Variants in XKR4 observed in about 807,000 individuals in gnomAD.
The protein encoded by XKR4 is XK-related protein 4.
XKR4 carries 12 observed loss-of-function variants against 53.9 expected under a neutral mutation model. The observed-to-expected ratio is 0.22, with a 90% confidence interval of 0.14 to 0.36. The LOEUF (loss-of-function observed/expected upper bound fraction) is 0.36. Ranked by LOEUF, XKR4 falls within the 10% of genes least tolerant of loss-of-function variation. XKR4 has a pLI of 1.00. For synonymous variants in XKR4, 354 were observed against 362.4 expected, an observed-to-expected ratio of 0.98 and a Z score of 0.26; for missense variants, 799 against 859.5, an observed-to-expected ratio of 0.93 and a Z score of 0.88.
rs550454277 is a variant in XKR4, at chr8:55,253,203, C to T, written c.807-104475C>T. On this transcript the variant is annotated intron_variant, in intron 1 of 2. Transcript: ENST00000327381. ...ACTATGCTATGCCTTTTCCTTCCGA[C>T]GTAAATATTCTCTTCCTTCCTCAGC... Among the ~76,000 whole-genome samples the T allele has an allele frequency of 3.8e-4, 57 of 151,910 alleles. No homozygotes were observed. The South Asian group carries it at 4.8e-3, about 13-fold the overall frequency.
intron 1 of XKR4, among the ~76,000 whole-genome samples, chr8:55,103,737 T>A (rs927520059): frequency 4.0e-5 from 6 of 151,458 alleles, no homozygotes; most frequent in East Asian, 1.9e-4. Context: ...GGAAAAAAAA[T>A]TGCTAATTCT....
chr8:55,391,411 G>T (rs1436828810), intron 2 of XKR4, among the ~76,000 whole-genome samples: 3 of 152,180 alleles, frequency 2.0e-5, no homozygotes, highest in Non-Finnish European at 4.4e-5. Flanking sequence ...CTACACAGTG[G>T]AGCATAATGT....
At chr8:55,229,005 A>G (rs1205660153) in intron 1 of XKR4, among the ~76,000 whole-genome samples, 1 of 152,048 alleles carries the variant, frequency 6.6e-6, no homozygotes, top group Non-Finnish European at 1.5e-5. Flanking sequence ...TTGAAAAACA[A>G]ACAAACAAAA....
intron 2 of XKR4, among the ~76,000 whole-genome samples, chr8:55,474,028 T>C (rs1260216808): frequency 6.6e-6 from 1 of 152,018 alleles, no homozygotes; most frequent in African/African-American, 2.4e-5. Flanking sequence ...CCTCAGGCTC[T>C]CCAGTAGCTA....
chr8:55,460,656 C>G (rs995146320), intron 2 of XKR4, among the ~76,000 whole-genome samples: 1 of 152,078 alleles, frequency 6.6e-6, no homozygotes, highest in Admixed American at 6.5e-5. Flanking sequence ...CGCAGCGCAC[C>G]AAGCATGAGC....
At chr8:55,119,537 C>G (rs1816360742) in intron 1 of XKR4, among the ~76,000 whole-genome samples, 1 of 152,106 alleles carries the variant, frequency 6.6e-6, no homozygotes, top group Admixed American at 6.5e-5. Context: ...CCAAACTAAC[C>G]AGCAACTTGG....
Position 55,344,718 on chromosome 8 carries a change from C to G in XKR4, c.807-12960C>G, listed in dbSNP as rs1344987553. Among the ~76,000 whole-genome samples the G allele has an allele frequency of 1.3e-5, 2 of 152,142 alleles. 1 individual carries two copies. The highest frequency in any genetic ancestry group is 4.1e-4 in the South Asian group (2 of 4,830). ...GCGAGTGCATAGAGAACCTTCCTTC[C>G]AAGTTCAGCAACTTCCTCTCCTATT... is the stretch of plus-strand genomic sequence containing the variant. On this transcript the variant is annotated intron_variant, in intron 1 of 2. Transcript: ENST00000327381.
At chr8:55,490,202 A>G (rs200487004) in intron 2 of XKR4, among the ~76,000 whole-genome samples, 2 of 152,210 alleles carry the variant, frequency 1.3e-5, no homozygotes, top group East Asian at 3.8e-4. Flanking sequence ...ACCTAGGTAA[A>G]GAATATGCGG....
At chr8:55,329,424 A>G (rs752217672) in intron 1 of XKR4, among the ~76,000 whole-genome samples, 90 of 151,430 alleles carry the variant, frequency 5.9e-4, no homozygotes, top group Admixed American at 1.1e-3. Flanking sequence ...CAGTGTTAGT[A>G]TATTTCATGT....
intron 1 of XKR4, among the ~76,000 whole-genome samples, chr8:55,233,040 T>A (rs561307190): frequency 6.6e-6 from 1 of 152,318 alleles, no homozygotes; most frequent in African/African-American, 2.4e-5. Flanking sequence ...TGGGAGGAAG[T>A]AGGTATCTGG....
At chr8:55,485,667 G>A (rs1413040599) in intron 2 of XKR4, among the ~76,000 whole-genome samples, 1 of 152,028 alleles carries the variant, frequency 6.6e-6, no homozygotes, top group African/African-American at 2.4e-5. Context: ...CGAAAGTGCT[G>A]GGATTACAGG....
chr8:55,452,715 G>T, intron 2 of XKR4: 1 of 1,084,524 alleles, frequency 9.2e-7, no homozygotes, highest in Non-Finnish European at 1.4e-6. Context: ...GTGGACCACA[G>T]CCCCAGCTAC....
At chr8:55,410,539 C>G (rs1232050975) in intron 2 of XKR4, among the ~76,000 whole-genome samples, 2 of 152,216 alleles carry the variant, frequency 1.3e-5, no homozygotes, top group Admixed American at 1.3e-4. Flanking sequence ...CTCAGACACC[C>G]AGGCTAGTAA....
intron 2 of XKR4, among the ~76,000 whole-genome samples, chr8:55,399,715 T>C (rs1043892001): frequency 2.0e-5 from 3 of 152,188 alleles, no homozygotes; most frequent in Admixed American, 6.5e-5. Flanking sequence ...CCTGGCTGGA[T>C]AATGGCAAGG....
intron 2 of XKR4, among the ~76,000 whole-genome samples, chr8:55,462,816 G>A (rs1322867541): frequency 6.6e-6 from 1 of 152,088 alleles, no homozygotes; most frequent in Non-Finnish European, 1.5e-5. Context: ...AAAGGCAGGG[G>A]TTGCAATCCT....
At chr8:55,153,645 C>T (rs1446706639) in intron 1 of XKR4, among the ~76,000 whole-genome samples, 2 of 152,186 alleles carry the variant, frequency 1.3e-5, no homozygotes, top group Non-Finnish European at 2.9e-5. Context: ...ACAAAAGTAA[C>T]ATGCTTGGAT....
At chr8:55,419,553 C>G (rs1436759996) in intron 2 of XKR4, among the ~76,000 whole-genome samples, 1 of 152,212 alleles carries the variant, frequency 6.6e-6, no homozygotes, top group East Asian at 1.9e-4. Flanking sequence ...ATTTTTAATA[C>G]ATGAGGTAAT....
At chr8:55,321,950 C>T (rs1236758527) in intron 1 of XKR4, among the ~76,000 whole-genome samples, 1 of 152,170 alleles carries the variant, frequency 6.6e-6, no homozygotes, top group Non-Finnish European at 1.5e-5. Context: ...GATCATGCCA[C>T]TACACTCCAG....
chr8:55,335,508 A>G (rs1406371625), intron 1 of XKR4, among the ~76,000 whole-genome samples: 2 of 152,362 alleles, frequency 1.3e-5, no homozygotes, highest in African/African-American at 4.8e-5. Flanking sequence ...AACAAATGCC[A>G]ATAATGTCAA....
Sources: allele counts gnomAD v4.1 joint callset (sites outside exome capture counted in the v4.1 genomes callset), GRCh38; gene constraint gnomAD v4.1.1; transcripts MANE v1.5; gene names NCBI Gene and HGNC (gene_info 2026-07-23, HGNC 2026-07-21).